Variants in LRRC63 observed in about 807,000 individuals in gnomAD.
The protein encoded by LRRC63 is leucine-rich repeat-containing protein 63.
A neutral mutation model predicts 49.5 loss-of-function variants in LRRC63; 40 were observed. The observed-to-expected ratio is 0.81, with a 90% CI of 0.63 to 1.05. The LOEUF (loss-of-function observed/expected upper bound fraction) is 1.05. Ranked by LOEUF, LRRC63 falls within the 50% of genes least tolerant of loss-of-function variation. The pLI is 0.00. For missense variants in LRRC63, 636 were observed against 663.1 expected, an observed-to-expected ratio of 0.96 and a Z score of 0.45; for synonymous variants, 191 against 221.1, an observed-to-expected ratio of 0.86 and a Z score of 1.21.
intron 8 of LRRC63, among the ~76,000 whole-genome samples, chr13:46,262,693 A>T: frequency 6.6e-6 from 1 of 152,172 alleles, no homozygotes. Context: ...ATAGGAATTT[A>T]TGACTCACGT....
exon 1 of LRRC63, chr13:46,212,130 A>C (rs2046109236): frequency 6.6e-6 from 1 of 152,310 alleles, no homozygotes; most frequent in Admixed American, 6.5e-5. Flanking sequence ...GATTATCCTA[A>C]AGGGTAGTGT....
Position 46,250,208 on chromosome 13 carries a change from G to A in LRRC63, c.1090-147G>A, listed in dbSNP as rs777962549. On this transcript the variant is annotated intron_variant, in intron 6 of 9. Transcript: ENST00000595396. ...TGGTCACTTGTTTTGAAGGTTGACC[G>A]AGGGTGTTTACTGAGTTACATGATA... 7.9e-5 allele frequency: 50 copies of A among 633,816 alleles called. No homozygotes were observed. In the East Asian group the frequency reaches 8.6e-4, roughly 11 times the overall value. 39.3% of individuals were successfully genotyped at this position (633,816 alleles called of 1,614,324 possible). A position where few individuals can be genotyped will look rare whatever the true frequency, so the allele number is the denominator to read the frequency against.
chr13:46,266,887 CA>C lies in LRRC63; in HGVS notation c.1468del (p.Ile490LeufsTer20). 6.5e-7 allele frequency: 1 copy of C among 1,548,930 alleles called. No homozygotes were observed. The highest frequency in any genetic ancestry group is 8.7e-7 in the Non-Finnish European group (1 of 1,146,052). On this transcript the variant is annotated frameshift_variant, in exon 9 of 10. Coordinates refer to ENST00000595396, the Ensembl canonical transcript of LRRC63. LOFTEE classifies it high-confidence loss of function. ...TTTGAATAATCCACAACAACTTACT[CA>C]AATTATTTCTTTGTTCATTGTCCAA...
At chr13:46,215,130 T>G (rs556290216) in intron 2 of LRRC63, among the ~76,000 whole-genome samples, 2 of 152,362 alleles carry the variant, frequency 1.3e-5, no homozygotes, top group South Asian at 4.1e-4. Flanking sequence ...ATATACCCAG[T>G]AATGGGATTG....
chr13:46,213,951 A>G (rs2046171364), intron 2 of LRRC63, among the ~76,000 whole-genome samples: 1 of 152,190 alleles, frequency 6.6e-6, no homozygotes, highest in Admixed American at 6.5e-5. Context: ...TTAGTTACCC[A>G]CTGGGATACT....
At chr13:46,269,125 G>T in intron 9 of LRRC63, among the ~76,000 whole-genome samples, 1 of 151,794 alleles carries the variant, frequency 6.6e-6, no homozygotes, top group East Asian at 1.9e-4. Flanking sequence ...TGGTGAAGAT[G>T]CCAATAGAAT....
intron 2 of LRRC63, among the ~76,000 whole-genome samples, chr13:46,223,484 G>GTT (rs75553094): frequency 5.3e-5 from 7 of 131,682 alleles, no homozygotes; most frequent in African/African-American, 1.1e-4. Context: ...AGTTTTTTTT[G>GTT]TTTTTTTTTT....
At chr13:46,273,308 C>A (rs1412149303) in intron 9 of LRRC63, among the ~76,000 whole-genome samples, 1 of 151,998 alleles carries the variant, frequency 6.6e-6, no homozygotes, top group Non-Finnish European at 1.5e-5. Flanking sequence ...ACAAAACATC[C>A]ATAAAGGGTA....
At chr13:46,217,690 T>G (rs2046292127) in intron 2 of LRRC63, among the ~76,000 whole-genome samples, 1 of 152,228 alleles carries the variant, frequency 6.6e-6, no homozygotes. Flanking sequence ...TTCTTTTAAT[T>G]GTGATGTTAG....
intron 5 of LRRC63, among the ~76,000 whole-genome samples, chr13:46,234,563 C>T (rs531722755): frequency 6.6e-6 from 1 of 152,194 alleles, no homozygotes; most frequent in East Asian, 1.9e-4. Flanking sequence ...AATCACAGTG[C>T]TTTTTTTATT....
intron 9 of LRRC63, among the ~76,000 whole-genome samples, chr13:46,269,415 T>C (rs1342391076): frequency 6.6e-6 from 1 of 152,090 alleles, no homozygotes; most frequent in Non-Finnish European, 1.5e-5. Context: ...GGATCAGTAG[T>C]GAAAGAATAG....
intron 5 of LRRC63, among the ~76,000 whole-genome samples, chr13:46,240,130 T>TC (rs1566489998): frequency 1.6e-5 from 2 of 125,870 alleles, no homozygotes; most frequent in African/African-American, 4.3e-5. Flanking sequence ...CTTTTTCTTT[T>TC]TTTTTTTTTT....
chr13:46,246,924 C>A (rs2047229061), intron 6 of LRRC63, among the ~76,000 whole-genome samples: 1 of 151,934 alleles, frequency 6.6e-6, no homozygotes, highest in African/African-American at 2.4e-5. Context: ...CTAAAATAAA[C>A]CTTATTTATG....
At chr13:46,270,255 G>C (rs2047738258) in intron 9 of LRRC63, 1 of 891,650 alleles carries the variant, frequency 1.1e-6, no homozygotes, top group African/African-American at 1.6e-5. Flanking sequence ...CTTCAGAGTG[G>C]AAAAACAATT....
At position 46,248,711 on chromosome 13, in the gene LRRC63, G is replaced by A. The variant is rs185645745; in HGVS notation, c.1090-1644G>A. 2.6e-4 allele frequency among the ~76,000 whole-genome samples: 40 copies of A among 151,894 alleles called. No individual in the cohort carries two copies. The East Asian group carries it at 6.4e-3, about 24-fold the overall frequency. ...ACTTCAATATCCCACTTTCGATAAT[G>A]AATAGAAAAATTAGGCAGAAGAACA... On this transcript the variant is annotated intron_variant, in intron 6 of 9. Coordinates refer to ENST00000595396, the Ensembl canonical transcript of LRRC63.
chr13:46,276,818 GTA>G (rs2047843381), exon 10 of LRRC63: 3 of 191,466 alleles, frequency 1.6e-5, no homozygotes, highest in East Asian at 2.2e-4. Flanking sequence ...ATGATTTATC[GTA>G]TGTGTGTGTA....
At chr13:46,218,429 TTTTG>T (rs1250681418) in intron 2 of LRRC63, among the ~76,000 whole-genome samples, 1 of 112,254 alleles carries the variant, frequency 8.9e-6, no homozygotes. Flanking sequence ...CCCTGCTTTT[TTTTG>T]TTTTGCTTTC....
At chr13:46,233,144 C>T (rs2046812388) in intron 4 of LRRC63, among the ~76,000 whole-genome samples, 1 of 152,134 alleles carries the variant, frequency 6.6e-6, no homozygotes, top group Non-Finnish European at 1.5e-5. Flanking sequence ...GTAGTTTCCT[C>T]CTTAGAAAAT....
At chr13:46,274,135 T>C (rs1301531534) in intron 9 of LRRC63, among the ~76,000 whole-genome samples, 1 of 151,576 alleles carries the variant, frequency 6.6e-6, no homozygotes, top group Non-Finnish European at 1.5e-5. Context: ...CCATAACAGG[T>C]AAGGAGGGAT....
Sources: gnomAD v4.1 joint callset for allele counts (sites outside exome capture counted in the v4.1 genomes callset) on GRCh38, gnomAD v4.1.1 for gene constraint, MANE v1.5 for transcripts, NCBI Gene and HGNC (gene_info 2026-07-23, HGNC 2026-07-21) for gene names.